The following ITPRID1 variants were observed in gnomAD, a reference collection of about 807,000 sequenced individuals.
ITPRID1 encodes the protein ITPR interacting domain containing 1.
A neutral mutation model predicts 95.4 loss-of-function variants in ITPRID1; 96 were observed. The ratio of observed to expected loss-of-function variants is 1.01; its 90% CI spans 0.85 to 1.19. The LOEUF (loss-of-function observed/expected upper bound fraction) is 1.19, where lower values mean the gene tolerates loss of function less well. Ranked by LOEUF, ITPRID1 falls within the 50% of genes most tolerant of loss-of-function variation. The pLI is 0.00. For synonymous variants in ITPRID1, 510 were observed against 453.6 expected (o/e 1.12, Z -1.58); for missense variants, 1,339 against 1,252.9 (o/e 1.07, Z -1.04).
intron 8 of ITPRID1, 41 bp from the exon 9 acceptor site, chr7:31,577,822 A>G (rs1341746133): frequency 6.7e-7 from 1 of 1,489,604 alleles, no homozygotes. Flanking sequence ...TTCAGCAAAA[A>G]AGACCCAATC....
At chr7:31,555,027 C>T in intron 5 of ITPRID1, 126 bp downstream of exon 5, 1 of 707,096 alleles carries the variant, frequency 1.4e-6, no homozygotes, top group Admixed American at 2.6e-5. Context: ...CCCTCAAAAA[C>T]TATCCAGCTC....
chr7:31,520,695 C>A (rs1783222292), intron 1 of ITPRID1, among the ~76,000 whole-genome samples: 1 of 152,094 alleles, frequency 6.6e-6, no homozygotes, highest in African/African-American at 2.4e-5. Context: ...TGGATACCAG[C>A]TATGTTCATT....
intron 10 of ITPRID1, among the ~76,000 whole-genome samples, chr7:31,597,328 G>A (rs1162692553): frequency 6.6e-6 from 1 of 151,922 alleles, no homozygotes; most frequent in Non-Finnish European, 1.5e-5. Context: ...CCAGATAAAT[G>A]TTCACTTTTG....
chr7:31,641,838 G>A (rs890184337), intron 10 of ITPRID1, among the ~76,000 whole-genome samples: 3 of 152,180 alleles, frequency 2.0e-5, no homozygotes, highest in Admixed American at 2.0e-4. Flanking sequence ...TTTTATTAGT[G>A]TGGCATTTAA....
At chr7:31,534,348 T>G (rs1208515519) in intron 1 of ITPRID1, among the ~76,000 whole-genome samples, 1 of 152,198 alleles carries the variant, frequency 6.6e-6, no homozygotes, top group Non-Finnish European at 1.5e-5. Flanking sequence ...CTATCTACTT[T>G]TCATGTTTAT....
intron 10 of ITPRID1, among the ~76,000 whole-genome samples, chr7:31,608,319 T>C (rs1403106848): frequency 6.6e-6 from 1 of 152,034 alleles, no homozygotes; most frequent in African/African-American, 2.4e-5. Context: ...TTCTTCTTTT[T>C]CATGATTATT....
chr7:31,584,282 T>C (rs1476075600), intron 10 of ITPRID1, among the ~76,000 whole-genome samples: 1 of 152,258 alleles, frequency 6.6e-6, no homozygotes, highest in Non-Finnish European at 1.5e-5. Flanking sequence ...ATGGGCCTCA[T>C]TTTGCTAAAT....
At chr7:31,658,183 A>G, downstream of ITPRID1, 1 of 1,181,842 alleles carries the variant, frequency 8.5e-7, no homozygotes, top group Non-Finnish European at 1.1e-6. Context: ...GATTTGTGTA[A>G]GGATATTCGT....
chr7:31,530,500 G>A (rs75673474), intron 1 of ITPRID1, among the ~76,000 whole-genome samples: 15 of 152,192 alleles, frequency 9.9e-5, no homozygotes, highest in East Asian at 7.7e-4. Flanking sequence ...CCCAAATAAC[G>A]GGGCACAGTT....
intron 1 of ITPRID1, among the ~76,000 whole-genome samples, chr7:31,527,909 G>A (rs1487191429): frequency 6.6e-6 from 1 of 152,132 alleles, no homozygotes; most frequent in Non-Finnish European, 1.5e-5. Flanking sequence ...AAAGGGAAGT[G>A]TTCTATTTGG....
chr7:31,630,781 CAA>C (rs71825010), intron 10 of ITPRID1, among the ~76,000 whole-genome samples: 6,839 of 151,614 alleles, frequency 0.045, 435 homozygotes, highest in African/African-American at 0.15. Flanking sequence ...AATAAAGAAT[CAA>C]AGAGATGTTA....
intron 10 of ITPRID1, among the ~76,000 whole-genome samples, chr7:31,610,655 G>A (rs978466785): frequency 4.0e-5 from 6 of 151,360 alleles, no homozygotes; most frequent in Non-Finnish European, 7.4e-5. Flanking sequence ...TAATTGTTAT[G>A]TCTTCCTAAT....
chr7:31,642,712 G>C lies in ITPRID1; in HGVS notation c.1342G>C (p.Ala448Pro), dbSNP rs773647579. The C allele has an allele frequency of 6.2e-7, 1 of 1,613,814 alleles. No homozygotes were observed. The highest frequency in any genetic ancestry group is 1.3e-5 in the African/African-American group (1 of 74,924). ...MPSLPNSQSPAENGGRKPRDQ... is the reference protein window; with the variant it reads ...MPSLPNSQSPPENGGRKPRDQ... ...TTCCTTGCCAAACAGCCAGAGTCCT[G>C]CTGAGAATGGAGGTAGAAAGCCAAG... Residue 448 changes from alanine (A) to proline (P), a missense_variant, in exon 12 of 15, where the codon GCT becomes CCT. Physicochemically the swap from Ala to Pro is conservative, Grantham distance 27 (BLOSUM62 -1). Transcript: ENST00000615280.
chr7:31,645,376 C>T (rs1192632616), intron 12 of ITPRID1, among the ~76,000 whole-genome samples: 2 of 152,076 alleles, frequency 1.3e-5, no homozygotes, highest in African/African-American at 2.4e-5. Context: ...TTGCAAGACT[C>T]CCAGGCATTT....
At chr7:31,547,031 T>C (rs910876282) in intron 1 of ITPRID1, among the ~76,000 whole-genome samples, 2 of 152,166 alleles carry the variant, frequency 1.3e-5, no homozygotes, top group Non-Finnish European at 2.9e-5. Context: ...TAAATGATTA[T>C]TTTCATTAAG....
At chr7:31,606,292 G>A (rs1192567045) in intron 10 of ITPRID1, among the ~76,000 whole-genome samples, 7 of 152,178 alleles carry the variant, frequency 4.6e-5, no homozygotes, top group South Asian at 4.2e-4. Context: ...TGTTAATCCC[G>A]TGTGTAGGAC....
At chr7:31,579,476 A>C (rs1785316664) in intron 9 of ITPRID1, among the ~76,000 whole-genome samples, 1 of 152,226 alleles carries the variant, frequency 6.6e-6, no homozygotes, top group Non-Finnish European at 1.5e-5. Context: ...GAGAAGTGGC[A>C]GGGATGGGCA....
chr7:31,582,690 T>A (rs1002426702), intron 9 of ITPRID1, among the ~76,000 whole-genome samples: 1 of 152,176 alleles, frequency 6.6e-6, no homozygotes. Flanking sequence ...CTTTAAAAAT[T>A]TCAAAAATAA....
intron 10 of ITPRID1, among the ~76,000 whole-genome samples, chr7:31,596,467 G>C (rs548609348): frequency 2.6e-5 from 4 of 151,344 alleles, no homozygotes; most frequent in African/African-American, 9.7e-5. Context: ...GTAAACTAAT[G>C]GTGATTTAAG....
Sources: allele counts gnomAD v4.1 joint callset (sites outside exome capture counted in the v4.1 genomes callset), GRCh38; gene constraint gnomAD v4.1.1; transcripts MANE v1.5; gene names NCBI Gene and HGNC (gene_info 2026-07-23, HGNC 2026-07-21).